The following VAV3 variants were observed in gnomAD, a reference collection of about 807,000 sequenced individuals.
The protein encoded by VAV3 is vav guanine nucleotide exchange factor 3.
Under a neutral mutation model 131.2 loss-of-function variants are expected in VAV3, and 94 were observed. The ratio of observed to expected loss-of-function variants is 0.72; its 90% confidence interval spans 0.61 to 0.85. VAV3 has a LOEUF of 0.85. Among genes scored for constraint, VAV3 ranks in the 40% least tolerant of loss-of-function variants. The pLI, the probability that VAV3 is intolerant of heterozygous loss-of-function variation, is 0.00. For synonymous variants in VAV3, 349 were observed against 342.0 expected (o/e 1.02, Z -0.22); for missense variants, 939 against 1,002.7 (o/e 0.94, Z 0.86).
At chr1:107,667,688 T>G (rs571247928) in intron 19 of VAV3, among the ~76,000 whole-genome samples, 1 of 152,100 alleles carries the variant, frequency 6.6e-6, no homozygotes, top group African/African-American at 2.4e-5. Context: ...AAAACCCTGT[T>G]TTCTACACAA....
chr1:107,895,279 A>C (rs1671513149), intron 1 of VAV3, among the ~76,000 whole-genome samples: 1 of 152,232 alleles, frequency 6.6e-6, no homozygotes, highest in African/African-American at 2.4e-5. Flanking sequence ...ATTTCCTCAA[A>C]GGTGTAGAAA....
rs560637891 is a variant in VAV3, at chr1:107,797,353, T to A, written c.322-17861A>T. ...CCTTCACTTAAATATTTATTGAGTA[T>A]CTGCATATGCCATAAATTCTACTAG... On this transcript the variant is annotated intron_variant, in intron 2 of 26. Transcript: ENST00000370056. Among the ~76,000 whole-genome samples, 11 of 152,334 alleles carry A rather than the reference T, an allele frequency of 7.2e-5. No homozygotes were observed. The East Asian group carries it at 1.7e-3, about 24-fold the overall frequency.
chr1:107,648,918 T>C (rs960705322), intron 19 of VAV3, among the ~76,000 whole-genome samples: 2 of 152,018 alleles, frequency 1.3e-5, no homozygotes, highest in African/African-American at 4.8e-5. Context: ...TCTGGTGTTA[T>C]CTTGGGAAGC....
intron 19 of VAV3, among the ~76,000 whole-genome samples, chr1:107,673,128 A>T (rs1311755504): frequency 6.6e-6 from 1 of 152,224 alleles, no homozygotes; most frequent in Non-Finnish European, 1.5e-5. Context: ...TAGAAAGACT[A>T]ATGTTCAACA....
chr1:107,755,830 G>A (rs1664071006), intron 11 of VAV3, among the ~76,000 whole-genome samples: 1 of 152,160 alleles, frequency 6.6e-6, no homozygotes, highest in South Asian at 2.1e-4. Flanking sequence ...CGGAAGAATA[G>A]AAATTCCAAG....
At position 107,782,047 on chromosome 1, in the gene VAV3, T is replaced by C. The variant is rs543605886; in HGVS notation, c.322-2555A>G. Among the ~76,000 whole-genome samples, 16 of 152,336 alleles carry C rather than the reference T, an allele frequency of 1.1e-4. 1 individual carries two copies. In the South Asian group the frequency reaches 3.1e-3, roughly 30 times the overall value. ...TTAACTACATTGCTTTACTTTAGCA[T>C]GCATCTTATCCTAATATATCACTGT... On this transcript the variant is annotated intron_variant, in intron 2 of 26. Coordinates refer to ENST00000370056, the MANE Select transcript of VAV3 (RefSeq NM_006113.5).
intron 1 of VAV3, among the ~76,000 whole-genome samples, chr1:107,937,243 G>C (rs539612714): frequency 6.6e-6 from 1 of 152,284 alleles, no homozygotes; most frequent in South Asian, 2.1e-4. Context: ...CATGACTATT[G>C]AGATGTTACT....
chr1:107,839,417 ACACT>A (rs1488931953), intron 2 of VAV3, among the ~76,000 whole-genome samples: 2 of 152,168 alleles, frequency 1.3e-5, no homozygotes, highest in East Asian at 1.9e-4. Context: ...ATTAAAGAAC[ACACT>A]CAAGTAACTT....
intron 20 of VAV3, among the ~76,000 whole-genome samples, chr1:107,639,267 A>G (rs897999271): frequency 6.6e-6 from 1 of 152,186 alleles, no homozygotes; most frequent in Non-Finnish European, 1.5e-5. Context: ...TGGGGTAGGC[A>G]AAGATTTGTT....
At position 107,618,907 on chromosome 1, in the gene VAV3, G is replaced by A. The variant is rs1653364319; in HGVS notation, c.1915-1275C>T. On this transcript the variant is annotated intron_variant, in intron 20 of 26. Transcript: ENST00000370056. ...TTGGTGATGGCATTTCTTTAAAGGTGTTGTATGTTTTAGAAGACTTAAACT... is the reference window on the plus strand; with the variant it reads ...TTGGTGATGGCATTTCTTTAAAGGTATTGTATGTTTTAGAAGACTTAAACT... Among the ~76,000 whole-genome samples the A allele has an allele frequency of 1.3e-5, 2 of 152,180 alleles. 1 individual carries two copies. The highest frequency in any genetic ancestry group is 3.8e-4 in the East Asian group (2 of 5,200).
At chr1:107,935,156 G>C (rs1673647151) in intron 1 of VAV3, among the ~76,000 whole-genome samples, 1 of 152,128 alleles carries the variant, frequency 6.6e-6, no homozygotes, top group African/African-American at 2.4e-5. Context: ...TCTCCATTTG[G>C]GGGCAATTAC....
At chr1:107,733,441 C>T (rs1662386929) in intron 15 of VAV3, among the ~76,000 whole-genome samples, 1 of 152,102 alleles carries the variant, frequency 6.6e-6, no homozygotes, top group South Asian at 2.1e-4. Flanking sequence ...ACAAACTTCT[C>T]CAAGCTAAAG....
At chr1:107,899,320 G>A (rs773495126) in intron 1 of VAV3, among the ~76,000 whole-genome samples, 2 of 152,096 alleles carry the variant, frequency 1.3e-5, no homozygotes, top group African/African-American at 4.8e-5. Context: ...AGCGGTAAGC[G>A]GCCATCCAAT....
intron 3 of VAV3, 59 bp from the exon 4 acceptor site, chr1:107,777,355 A>G: frequency 2.7e-6 from 4 of 1,487,254 alleles, no homozygotes; most frequent in East Asian, 2.3e-5. Flanking sequence ...ACGAGCAACA[A>G]TCAGGCTGCG....
chr1:107,736,051 A>G (rs1343987289), intron 15 of VAV3, among the ~76,000 whole-genome samples: 1 of 152,238 alleles, frequency 6.6e-6, no homozygotes, highest in Admixed American at 6.5e-5. Flanking sequence ...GGCTGGTTCA[A>G]CATATGCAAA....
In VAV3 at chr1:107,625,917, T is replaced by C. The variant is rs1267104551; in HGVS notation, c.1915-8285A>G. ...GATTGACACAAACTTTTAGTCATTATGGCAGAATGTAGCTTACATAGTAAT... is the reference window on the plus strand; with the variant it reads ...GATTGACACAAACTTTTAGTCATTACGGCAGAATGTAGCTTACATAGTAAT... On this transcript the variant is annotated intron_variant, in intron 20 of 26. Transcript: ENST00000370056. 2.0e-5 allele frequency among the ~76,000 whole-genome samples: 3 copies of C among 152,176 alleles called. No homozygotes were observed. In the East Asian group the frequency reaches 5.8e-4, roughly 29 times the overall value.
At chr1:107,698,914 G>C (rs1233046719) in intron 17 of VAV3, among the ~76,000 whole-genome samples, 2 of 152,016 alleles carry the variant, frequency 1.3e-5, no homozygotes, top group African/African-American at 4.8e-5. Context: ...GAACAGCATG[G>C]GGAAAATGCC....
intron 1 of VAV3, among the ~76,000 whole-genome samples, chr1:107,899,284 T>TA (rs201526731): frequency 2.6e-5 from 4 of 152,050 alleles, no homozygotes; most frequent in South Asian, 2.1e-4. Context: ...GATATATTAA[T>TA]AAAAAAATGT....
intron 1 of VAV3, among the ~76,000 whole-genome samples, chr1:107,927,068 G>A (rs890034036): frequency 6.6e-6 from 1 of 152,184 alleles, no homozygotes. Flanking sequence ...AGAGAAGATG[G>A]AAGAGTAAAG....
Sources: allele counts gnomAD v4.1 joint callset (sites outside exome capture counted in the v4.1 genomes callset), GRCh38; gene constraint gnomAD v4.1.1; transcripts MANE v1.5; gene names NCBI Gene and HGNC (gene_info 2026-07-23, HGNC 2026-07-21).